Variants in DDAH1 observed in about 807,000 individuals in gnomAD.
The protein encoded by DDAH1 is N(G),N(G)-dimethylarginine dimethylaminohydrolase 1.
In DDAH1, 19 loss-of-function variants were observed where a neutral mutation model predicts 28.8. That is an observed-to-expected ratio of 0.66 (90% CI 0.46 to 0.97). The LOEUF (loss-of-function observed/expected upper bound fraction) is 0.97. DDAH1 is among the 50% of genes least tolerant of loss of function. The pLI is 0.00. For synonymous variants in DDAH1, 153 were observed against 154.4 expected (o/e 0.99, Z 0.07); for missense variants, 326 against 375.9 (o/e 0.87, Z 1.10).
chr1:85,544,848 G>C (rs1658573827), intron 1 of DDAH1, among the ~76,000 whole-genome samples: 1 of 152,138 alleles, frequency 6.6e-6, no homozygotes, highest in South Asian at 2.1e-4. Context: ...TTTGGCTCTA[G>C]AGGAGTCCCC....
intron 1 of DDAH1, among the ~76,000 whole-genome samples, chr1:85,393,044 C>T (rs887057768): frequency 6.6e-6 from 1 of 152,154 alleles, no homozygotes; most frequent in African/African-American, 2.4e-5. Flanking sequence ...TTGGTCTCTC[C>T]TAGGTCATTT....
chr1:85,364,990 C>T (rs1649995893), intron 1 of DDAH1, among the ~76,000 whole-genome samples: 1 of 152,176 alleles, frequency 6.6e-6, no homozygotes, highest in Non-Finnish European at 1.5e-5. Context: ...GGACAAAGCT[C>T]TCAGAAGGAA....
intron 2 of DDAH1, chr1:85,493,551 T>C (rs2100730872): frequency 6.6e-6 from 1 of 152,310 alleles, no homozygotes; most frequent in East Asian, 1.9e-4. Flanking sequence ...GTTGCTCCAA[T>C]ATTGAACAAA....
At chr1:85,502,572 T>A (rs1346103696) in intron 1 of DDAH1, among the ~76,000 whole-genome samples, 1 of 152,166 alleles carries the variant, frequency 6.6e-6, no homozygotes, top group Non-Finnish European at 1.5e-5. Flanking sequence ...TCCCTCTGGC[T>A]TCAGCCTGGT....
At chr1:85,509,501 AG>A (rs1368289447) in intron 1 of DDAH1, among the ~76,000 whole-genome samples, 1 of 152,248 alleles carries the variant, frequency 6.6e-6, no homozygotes, top group African/African-American at 2.4e-5. Flanking sequence ...ATGAGTTGAC[AG>A]AAGTAGGCTT....
At chr1:85,375,534 C>A (rs1650614404) in intron 1 of DDAH1, among the ~76,000 whole-genome samples, 1 of 152,172 alleles carries the variant, frequency 6.6e-6, no homozygotes, top group Non-Finnish European at 1.5e-5. Context: ...GACATTTCAA[C>A]TGAAGCCATT....
At chr1:85,334,529 C>T (rs1647989450) in intron 4 of DDAH1, among the ~76,000 whole-genome samples, 1 of 152,092 alleles carries the variant, frequency 6.6e-6, no homozygotes, top group African/African-American at 2.4e-5. Flanking sequence ...GGCAGATTTC[C>T]CCCTTACTGT....
intron 1 of DDAH1, among the ~76,000 whole-genome samples, chr1:85,375,815 A>G (rs1650635176): frequency 6.6e-6 from 1 of 152,184 alleles, no homozygotes; most frequent in African/African-American, 2.4e-5. Flanking sequence ...TTTTGGGTCA[A>G]TGACCAACCT....
At chr1:85,498,750 C>G (rs1474260223) in intron 1 of DDAH1, among the ~76,000 whole-genome samples, 1 of 152,038 alleles carries the variant, frequency 6.6e-6, no homozygotes, top group Non-Finnish European at 1.5e-5. Flanking sequence ...GAAACCCTGT[C>G]TCTACCAAAA....
intron 1 of DDAH1, among the ~76,000 whole-genome samples, chr1:85,404,210 T>A (rs1468402369): frequency 1.3e-5 from 2 of 152,180 alleles, no homozygotes; most frequent in African/African-American, 4.8e-5. Flanking sequence ...AACATTACAA[T>A]TCGCAAGTAT....
intron 2 of DDAH1, among the ~76,000 whole-genome samples, chr1:85,472,212 C>T (rs994315335): frequency 6.6e-6 from 1 of 152,166 alleles, no homozygotes; most frequent in Non-Finnish European, 1.5e-5. Flanking sequence ...GGTCATGTCC[C>T]ATCCCCAGAA....
At chr1:85,461,153 A>T (rs938775871) in intron 1 of DDAH1, among the ~76,000 whole-genome samples, 2 of 152,172 alleles carry the variant, frequency 1.3e-5, no homozygotes, top group Non-Finnish European at 2.9e-5. Flanking sequence ...TTTTCCCTAA[A>T]AAGTAAGTTG....
intron 1 of DDAH1, among the ~76,000 whole-genome samples, chr1:85,405,394 C>T (rs1257785906): frequency 1.3e-5 from 2 of 152,166 alleles, no homozygotes; most frequent in African/African-American, 4.8e-5. Context: ...GTTCTATAGA[C>T]GGCATGCATC....
chr1:85,557,188 A>C (rs572028843), intron 1 of DDAH1, among the ~76,000 whole-genome samples: 3 of 152,322 alleles, frequency 2.0e-5, no homozygotes, highest in Admixed American at 6.5e-5. Flanking sequence ...TTCAGGGGAA[A>C]ATCTCTCTTC....
chr1:85,530,323 G>A (rs1475054849), intron 1 of DDAH1, among the ~76,000 whole-genome samples: 7 of 152,196 alleles, frequency 4.6e-5, no homozygotes, highest in African/African-American at 1.7e-4. Flanking sequence ...TGAACCAGGT[G>A]GATGCAAATG....
intron 1 of DDAH1, among the ~76,000 whole-genome samples, chr1:85,538,091 C>A (rs1658349168): frequency 6.6e-6 from 1 of 152,096 alleles, no homozygotes; most frequent in Non-Finnish European, 1.5e-5. Flanking sequence ...GAACTAAATG[C>A]ACTGCCAACA....
At chr1:85,424,595 C>T (rs1347312914) in intron 1 of DDAH1, among the ~76,000 whole-genome samples, 3 of 151,986 alleles carry the variant, frequency 2.0e-5, no homozygotes, top group African/African-American at 7.2e-5. Context: ...TCTCCATTTT[C>T]TCAAATGTAA....
chr1:85,347,480 G>A (rs1363501725), intron 4 of DDAH1, among the ~76,000 whole-genome samples: 2 of 152,116 alleles, frequency 1.3e-5, no homozygotes, highest in Non-Finnish European at 2.9e-5. Context: ...CATGGATGAA[G>A]CTGGAAACCA....
At chr1:85,476,008 C>T (rs1302750198) in intron 2 of DDAH1, among the ~76,000 whole-genome samples, 2 of 152,112 alleles carry the variant, frequency 1.3e-5, no homozygotes, top group Non-Finnish European at 2.9e-5. Context: ...CACGCCACCA[C>T]ACCCGGGTAA....
Sources: gnomAD v4.1 joint callset for allele counts (sites outside exome capture counted in the v4.1 genomes callset) on GRCh38, gnomAD v4.1.1 for gene constraint, MANE v1.5 for transcripts, NCBI Gene and HGNC (gene_info 2026-07-23, HGNC 2026-07-21) for gene names.